The following ALOX12B variants were observed in gnomAD, a reference collection of about 807,000 sequenced individuals.
ALOX12B encodes the protein arachidonate 12-lipoxygenase, 12R type.
ALOX12B carries 47 observed loss-of-function variants against 78.9 expected under a neutral mutation model. The observed-to-expected ratio is 0.60, with a 90% confidence interval of 0.47 to 0.76. The LOEUF is 0.76. Ranked by LOEUF, ALOX12B falls within the 30% of genes least tolerant of loss-of-function variation. The probability of loss-of-function intolerance (pLI) is 0.00; values close to 1 mark genes in which losing one functional copy is unlikely to be tolerated. For missense variants in ALOX12B, 805 were observed against 922.6 expected (o/e 0.87, Z 1.65); for synonymous variants, 370 against 374.5 (o/e 0.99, Z 0.14).
At position 8,079,611 on chromosome 17, in the gene ALOX12B, C is replaced by T; in HGVS notation, c.928-72G>A. On this transcript the variant is annotated intron_variant, in intron 7 of 14. Transcript: ENST00000647874. The surrounding 1 kb of genome is among the most constrained non-coding windows in gnomAD (Gnocchi z 6.4). ...GCCCGTGACCCGCGCCGCAGGTGCA[C>T]AGGGCGCTGGCGACTAGGGGCAGGG... 2 of 1,541,288 alleles carry T rather than the reference C, an allele frequency of 1.3e-6. No homozygotes were observed. The highest frequency in any genetic ancestry group is 1.8e-6 in the Non-Finnish European group (2 of 1,141,500).
At position 8,079,710 on chromosome 17, in the gene ALOX12B, G is replaced by A; in HGVS notation, c.927+59C>T. ...CGGGCGCCGGAGGTGGGGAGAGACG[G>A]GGATGCCCGCGAGGGAGGCCGGGAG... On this transcript the variant is annotated intron_variant, in intron 7 of 14. Coordinates refer to ENST00000647874, the MANE Select transcript of ALOX12B (RefSeq NM_001139.3). This position sits in a 1 kb window ranked among gnomAD's most constrained non-coding sequence, Gnocchi z 6.4. 1 of 1,572,542 alleles carries A rather than the reference G, an allele frequency of 6.4e-7. No homozygotes were observed. The highest frequency in any genetic ancestry group is 8.6e-7 in the Non-Finnish European group (1 of 1,160,668).
Position 8,079,118 on chromosome 17 carries a change from C to T in ALOX12B, c.1071+278G>A, listed in dbSNP as rs1319752004. On this transcript the variant is annotated intron_variant, in intron 8 of 14. Transcript: ENST00000647874. This position sits in a 1 kb window ranked among gnomAD's most constrained non-coding sequence, Gnocchi z 6.4. Reference sequence around the variant, plus strand: ...TTCACCGTGTTAGCCAGGATGGTCTCGATCTCCTGACCTCGTGATCCGCCC... The same window carrying T: ...TTCACCGTGTTAGCCAGGATGGTCTTGATCTCCTGACCTCGTGATCCGCCC... Among the ~76,000 whole-genome samples the T allele has an allele frequency of 6.6e-6, 1 of 151,940 alleles. No homozygotes were observed. Among genetic ancestry groups the T allele is most frequent in the African/African-American group, 2.4e-5 (1 of 41,370 alleles).
intron 10 of ALOX12B, 50 bp from the exon 11 acceptor site, chr17:8,076,394 C>T: frequency 6.5e-7 from 1 of 1,549,468 alleles, no homozygotes; most frequent in Non-Finnish European, 8.7e-7. Context: ...CCCTGGAACC[C>T]CTTCAGGTCC....
chr17:8,086,402 G>C (rs1978298620), intron 1 of ALOX12B, among the ~76,000 whole-genome samples, 182 bp from the exon 2 acceptor site: 1 of 152,096 alleles, frequency 6.6e-6, no homozygotes, highest in Admixed American at 6.6e-5. Context: ...CAGCTTGGGG[G>C]TCTCCTACTG....
At position 8,079,938 on chromosome 17, in the gene ALOX12B, T is replaced by A. The variant is rs1348254566; in HGVS notation, c.758A>T (p.Tyr253Phe). The change falls in exon 7 of 15, where the codon TAC becomes TTC. Residue 253 changes from tyrosine (Y) to phenylalanine (F), a missense_variant. Physicochemically the swap from Tyr to Phe is conservative, Grantham distance 22. Coordinates refer to ENST00000647874, the MANE Select transcript of ALOX12B (RefSeq NM_001139.3). The surrounding 1 kb of genome is among the most constrained non-coding windows in gnomAD (Gnocchi z 6.4). The stretch of plus-strand genomic sequence containing the variant: ...GTCCTCTGCCCAGTGCTCGGCCACG[T>A]ACTCTGCGAGGACGGCGCGAGGGCG... ...FPGKKSVVSE[Y>F]VAEHWAEDTF... 1 of 1,611,622 alleles carries A rather than the reference T, an allele frequency of 6.2e-7. No homozygotes were observed. The highest frequency in any genetic ancestry group is 8.5e-7 in the Non-Finnish European group (1 of 1,179,196).
intron 12 of ALOX12B, among the ~76,000 whole-genome samples, chr17:8,074,283 T>C (rs1313356294): frequency 1.3e-5 from 2 of 152,180 alleles, no homozygotes; most frequent in African/African-American, 4.8e-5. Context: ...TTTCCTGTTG[T>C]CCGGTGTGTC....
intron 2 of ALOX12B, chr17:8,081,649 A>G (rs1377204426): frequency 5.2e-6 from 1 of 193,940 alleles, no homozygotes; most frequent in East Asian, 1.3e-4. Context: ...CCATGTGTAC[A>G]CATTTTTTTT....
At position 8,087,267 on chromosome 17, in the gene ALOX12B, C is replaced by CAG. The variant is rs1326271590; in HGVS notation, c.147+28_147+29insCT. The CAG allele has an allele frequency of 2.5e-6, 4 of 1,582,002 alleles. No homozygotes were observed. The African/African-American group carries it at 5.7e-5, about 22-fold the overall frequency. ...ACACACACACACACACAGACACACA[C>CAG]ACACACACACACACACACACACTCT... is the stretch of plus-strand genomic sequence containing the variant. On this transcript the variant is annotated intron_variant, in intron 1 of 14. Coordinates refer to ENST00000647874, the MANE Select transcript of ALOX12B (RefSeq NM_001139.3).
intron 2 of ALOX12B, among the ~76,000 whole-genome samples, chr17:8,083,868 T>A (rs1007230271): frequency 6.6e-6 from 1 of 151,920 alleles, no homozygotes; most frequent in African/African-American, 2.4e-5. Context: ...TAGAAGAATT[T>A]GGAAATGTGG....
chr17:8,087,598 G>T lies in ALOX12B; in HGVS notation c.-156C>A, dbSNP rs1978307039. ...GTGAGGTGGCGAGGTGGGGTGACTA[G>T]GCCTGCCAGCCAAATTCTGGAAAAG... On this transcript the variant is annotated 5_prime_UTR_variant, in exon 1 of 15. Transcript: ENST00000647874. 9 of 1,258,566 alleles carry T rather than the reference G, an allele frequency of 7.2e-6. No individual in the cohort carries two copies. In the Admixed American group the frequency reaches 1.8e-4, roughly 25 times the overall value. 78.0% of individuals were successfully genotyped at this position (1,258,566 alleles called of 1,614,324 possible).
At chr17:8,087,183 A>G (rs1446793153) in intron 1 of ALOX12B, 113 bp downstream of exon 1, 7 of 1,479,394 alleles carry the variant, frequency 4.7e-6, no homozygotes, top group Middle Eastern at 2.1e-4. Flanking sequence ...CCCCCTGCGC[A>G]CCTTCACCCC....
Position 8,080,227 on chromosome 17 carries a change from T to C in ALOX12B, c.754+8A>G. On this transcript the variant is annotated splice_region_variant and intron_variant, in intron 6 of 14. Transcript: ENST00000647874. The surrounding 1 kb of genome is among the most constrained non-coding windows in gnomAD (Gnocchi z 4.8). ...CCCCTGCTCGATCCGGGACGCCCCA[T>C]TCCATACCGGAGACGACAGATTTCT... The C allele has an allele frequency of 4.3e-6, 7 of 1,613,450 alleles. No individual in the cohort carries two copies. Among genetic ancestry groups the C allele is most frequent in the Non-Finnish European group, 5.1e-6 (6 of 1,179,332 alleles).
Position 8,072,926 on chromosome 17 carries a change from TG to T in ALOX12B, c.1950del (p.Asp650GlufsTer13), listed in dbSNP as rs1174524966. ...DDRRPLGHFPDIHFVEEAPRR... is the reference protein window; with the variant it reads ...DDRRPLGHFPXIHFVEEAPRR... ...CGCGGGGCCTCCTCCACGAAGTGAA[TG>T]TCCGGGAAGTGTCCCAGGGGCCGCT... is the stretch of plus-strand genomic sequence containing the variant. On this transcript the variant is annotated frameshift_variant, in exon 15 of 15. Transcript: ENST00000647874. 1 of 1,613,634 alleles carries T rather than the reference TG, an allele frequency of 6.2e-7. No individual in the cohort carries two copies. The highest frequency in any genetic ancestry group is 8.5e-7 in the Non-Finnish European group (1 of 1,179,790).
chr17:8,079,424 T>C lies in ALOX12B; in HGVS notation c.1043A>G (p.Glu348Gly). The change falls in exon 8 of 15, where the codon GAG (glutamate) becomes GGG (glycine). Residue 348 changes from glutamate to glycine, a missense_variant. Transcript: ENST00000647874. The surrounding 1 kb of genome is among the most constrained non-coding windows in gnomAD (Gnocchi z 6.4). ...APLCLLHFGP[E>G]GKMMPIAIQL... Reference sequence around the variant, plus strand: ...GATGGCGATGGGCATCATCTTGCCCTCGGGTCCAAAGTGCAGCAGGCAGAG... The same window carrying C: ...GATGGCGATGGGCATCATCTTGCCCCCGGGTCCAAAGTGCAGCAGGCAGAG... 6.4e-7 allele frequency: 1 copy of C among 1,551,698 alleles called. No individual in the cohort carries two copies.
At chr17:8,083,116 G>C (rs750352654) in intron 2 of ALOX12B, among the ~76,000 whole-genome samples, 1 of 152,214 alleles carries the variant, frequency 6.6e-6, no homozygotes, top group Non-Finnish European at 1.5e-5. Context: ...TAGTATATTT[G>C]ATTGGGGTGC....
Position 8,080,809 on chromosome 17 carries a change from A to T in ALOX12B, c.528-29T>A. On this transcript the variant is annotated intron_variant, in intron 4 of 14. Transcript: ENST00000647874. The surrounding 1 kb of genome is among the most constrained non-coding windows in gnomAD (Gnocchi z 4.8). ...TGGGGAGAAGCGCAGGGCAACTGGG[A>T]TCCAGGGGGCGGGGAGGAGGCAGGC... 3 of 1,613,990 alleles carry T rather than the reference A, an allele frequency of 1.9e-6. No individual in the cohort carries two copies. The highest frequency in any genetic ancestry group is 2.5e-6 in the Non-Finnish European group (3 of 1,179,968).
Position 8,075,617 on chromosome 17 carries a change from G to A in ALOX12B, c.1632C>T (p.Cys544=). ...TACCTGAGCTCTCCCGCCCCAGGAGGCACTCTTTAAATATTTCCTGCACCC... is the reference window on the plus strand; with the variant it reads ...TACCTGAGCTCTCCCGCCCCAGGAGACACTCTTTAAATATTTCCTGCACCC... ...QSWVQEIFKE[C]LLGRESSGFP... The change falls in exon 12 of 15, where the codon TGC becomes TGT. Residue 544 remains cysteine (C), a synonymous_variant. Transcript: ENST00000647874. The A allele has an allele frequency of 1.2e-6, 2 of 1,614,126 alleles. No individual in the cohort carries two copies. Among genetic ancestry groups the A allele is most frequent in the African/African-American group, 2.7e-5 (2 of 75,020 alleles).
In ALOX12B at chr17:8,079,984, C is replaced by G; in HGVS notation, c.755-43G>C. 1.3e-6 allele frequency: 2 copies of G among 1,595,000 alleles called. No individual in the cohort carries two copies. The highest frequency in any genetic ancestry group is 1.7e-6 in the Non-Finnish European group (2 of 1,170,792). On this transcript the variant is annotated intron_variant, in intron 6 of 14. Transcript: ENST00000647874. The surrounding 1 kb of genome is among the most constrained non-coding windows in gnomAD (Gnocchi z 6.4). Reference sequence around the variant, plus strand: ...GGGCGTCACAAGGAGGCCCGGCCCCCCTCGGGGACGGAGAGGCATGGGACA... The same window carrying G: ...GGGCGTCACAAGGAGGCCCGGCCCCGCTCGGGGACGGAGAGGCATGGGACA...
intron 2 of ALOX12B, among the ~76,000 whole-genome samples, chr17:8,082,743 T>C (rs914885139): frequency 2.0e-5 from 3 of 152,168 alleles, no homozygotes; most frequent in Non-Finnish European, 1.5e-5. Flanking sequence ...TGCAACTGCC[T>C]CCCTGGCCCC....
Sources: allele counts gnomAD v4.1 joint callset (sites outside exome capture counted in the v4.1 genomes callset), GRCh38; gene constraint gnomAD v4.1.1; non-coding constraint Gnocchi (gnomAD v3.1); transcripts MANE v1.5; gene names NCBI Gene and HGNC (gene_info 2026-07-23, HGNC 2026-07-21).